DRC2: variants seen among roughly 807,000 people sequenced by gnomAD.
The protein encoded by DRC2 is coiled-coil domain containing 65.
chr12:48,904,943 C>A, the DRC2 span: 2 of 1,585,828 alleles, frequency 1.3e-6, no homozygotes, highest in Non-Finnish European at 1.7e-6. Flanking sequence ...TTCCTTCACA[C>A]AGGACAAGCT....
At chr12:48,911,735 G>A in the DRC2 span, among the ~76,000 whole-genome samples, 1 of 152,076 alleles carries the variant, frequency 6.6e-6, no homozygotes, top group Non-Finnish European at 1.5e-5. Flanking sequence ...AAAGATCTGG[G>A]ATTACAGGTG....
the DRC2 span, chr12:48,920,956 A>G: frequency 1.2e-6 from 2 of 1,613,302 alleles, no homozygotes; most frequent in Admixed American, 3.3e-5. Context: ...AACTTGCTGA[A>G]ATATGTAGGA....
chr12:48,918,547 C>T, the DRC2 span: 1 of 1,529,622 alleles, frequency 6.5e-7, no homozygotes, highest in Non-Finnish European at 8.9e-7. Flanking sequence ...CCTTGTTTCC[C>T]CTGGGCCTCA....
At chr12:48,919,807 C>T in the DRC2 span, among the ~76,000 whole-genome samples, 2 of 151,996 alleles carry the variant, frequency 1.3e-5, no homozygotes, top group Admixed American at 6.5e-5. Flanking sequence ...TGAGCCACCG[C>T]GTCTGGTCTA....
the DRC2 span, among the ~76,000 whole-genome samples, chr12:48,914,139 A>G: frequency 6.6e-6 from 1 of 150,920 alleles, no homozygotes; most frequent in Non-Finnish European, 1.5e-5. Context: ...GGGTCTCATT[A>G]TGTTGCCCAG....
the DRC2 span, among the ~76,000 whole-genome samples, chr12:48,910,313 G>C: frequency 6.6e-6 from 1 of 152,168 alleles, no homozygotes; most frequent in African/African-American, 2.4e-5. Flanking sequence ...TTTTATCTCT[G>C]AATCCTCAAC....
At chr12:48,918,753 T>C in the DRC2 span, 3 of 1,614,010 alleles carry the variant, frequency 1.9e-6, no homozygotes, top group Non-Finnish European at 2.5e-6. Flanking sequence ...AGAACCGGTA[T>C]ATCCGTAATG....
At chr12:48,909,913 T>G in the DRC2 span, among the ~76,000 whole-genome samples, 1 of 152,014 alleles carries the variant, frequency 6.6e-6, no homozygotes, top group Non-Finnish European at 1.5e-5. Context: ...CCTGCATAGC[T>G]GGGACTACAG....
the DRC2 span, among the ~76,000 whole-genome samples, chr12:48,909,037 C>CTTTTTTTTTTTTTTTTTTTTTTTTTTTTT: frequency 1.2e-5 from 1 of 82,370 alleles, no homozygotes. Context: ...TTTTCTTTCT[C>CTTTTTTTTTTTTTTTTTTTTTTTTTTTTT]TTTTTTTTTT....
At chr12:48,912,470 A>T in the DRC2 span, among the ~76,000 whole-genome samples, 1 of 147,284 alleles carries the variant, frequency 6.8e-6, no homozygotes, top group Non-Finnish European at 1.5e-5. Context: ...ATTCATGTGC[A>T]CTTGGCTTCT....
chr12:48,920,446 A>ATTT, the DRC2 span, among the ~76,000 whole-genome samples: 2 of 134,300 alleles, frequency 1.5e-5, no homozygotes, highest in Admixed American at 7.3e-5. Flanking sequence ...CATCTTAAAA[A>ATTT]AAAAAAAAAA....
the DRC2 span, chr12:48,918,622 C>G: frequency 1.0e-5 from 16 of 1,547,186 alleles, no homozygotes; most frequent in Non-Finnish European, 1.4e-5. Flanking sequence ...GCCCTTTTAC[C>G]TGTCTCACTG....
the DRC2 span, among the ~76,000 whole-genome samples, chr12:48,906,637 C>T: frequency 1.3e-5 from 2 of 151,702 alleles, no homozygotes; most frequent in East Asian, 3.9e-4. Flanking sequence ...GCGATCTCGG[C>T]TCACTGCAAC....
chr12:48,905,974 T>G, the DRC2 span, among the ~76,000 whole-genome samples: 1 of 152,112 alleles, frequency 6.6e-6, no homozygotes, highest in Non-Finnish European at 1.5e-5. Context: ...GGTTTCACCA[T>G]GTTGGCCAGG....
At chr12:48,920,466 A>G in the DRC2 span, among the ~76,000 whole-genome samples, 1 of 148,002 alleles carries the variant, frequency 6.8e-6, no homozygotes, top group Non-Finnish European at 1.5e-5. Context: ...AAAAAAAAAA[A>G]AGAATGAGAG....
chr12:48,913,925 CTTTTTTTT>C, the DRC2 span, among the ~76,000 whole-genome samples: 3 of 95,980 alleles, frequency 3.1e-5, no homozygotes, highest in Non-Finnish European at 6.0e-5. Flanking sequence ...CGTGCCCAGT[CTTTTTTTT>C]TTTTTTTTTT....
chr12:48,909,894 C>A, the DRC2 span, among the ~76,000 whole-genome samples: 1 of 151,990 alleles, frequency 6.6e-6, no homozygotes, highest in Non-Finnish European at 1.5e-5. Context: ...AATCCTCCTG[C>A]CTCAGCCTCC....
At chr12:48,921,146 C>T in the DRC2 span, 3 of 1,612,386 alleles carry the variant, frequency 1.9e-6, no homozygotes, top group Middle Eastern at 1.6e-4. Flanking sequence ...TGCACACCTT[C>T]TCCCTGTAAC....
At chr12:48,912,266 T>A in the DRC2 span, among the ~76,000 whole-genome samples, 1 of 147,874 alleles carries the variant, frequency 6.8e-6, no homozygotes, top group Non-Finnish European at 1.5e-5. Flanking sequence ...ATCTCTCTAC[T>A]AAAAAATAAA....
Sources: allele counts gnomAD v4.1 joint callset (sites outside exome capture counted in the v4.1 genomes callset), GRCh38; gene constraint gnomAD v4.1.1; transcripts MANE v1.5; gene names NCBI Gene and HGNC (gene_info 2026-07-23, HGNC 2026-07-21).